SLC26A11: variants seen among roughly 807,000 people sequenced by gnomAD.
SLC26A11 encodes solute carrier family 26 member 11.
A neutral mutation model predicts 62.2 loss-of-function variants in SLC26A11; 58 were observed. That is an observed-to-expected ratio of 0.93 (90% confidence interval 0.76 to 1.16). SLC26A11 has a LOEUF of 1.16. Ranked by LOEUF, SLC26A11 falls within the 50% of genes most tolerant of loss-of-function variation. The pLI is 0.00. For synonymous variants in SLC26A11, 411 were observed against 368.9 expected, an observed-to-expected ratio of 1.11 and a Z score of -1.31; for missense variants, 790 against 794.3, an observed-to-expected ratio of 0.99 and a Z score of 0.06.
intron 9 of SLC26A11, among the ~76,000 whole-genome samples, chr17:80,238,466 C>T (rs546870130): frequency 7.2e-5 from 11 of 152,306 alleles, no homozygotes; most frequent in East Asian, 5.8e-4. Flanking sequence ...CTCAGCCCAT[C>T]GGCCAGCCCC....
rs57963913 is a variant in SLC26A11 at position 80,248,423 on chromosome 17, CTGTG to C, written c.1423-149_1423-146del. 3,914 of 1,257,856 alleles carry C rather than the reference CTGTG, an allele frequency of 3.1e-3. 46 individuals are homozygous for C. Among genetic ancestry groups the C allele is most frequent in the East Asian group, 0.026 (1,015 of 39,196 alleles). 77.9% of individuals were successfully genotyped at this position (1,257,856 alleles called of 1,614,324 possible). A position where few individuals can be genotyped will look rare whatever the true frequency, so the allele number is the denominator to read the frequency against. On this transcript the variant is annotated intron_variant, in intron 14 of 17. Transcript: ENST00000361193. ...TGCTATAAACCATGGTGTTCTCCCA[CTGTG>C]TGGGGGCCATGGGGGTCTCCCCTTA... is the stretch of plus-strand genomic sequence containing the variant.
rs924430085 is a variant in SLC26A11 at position 80,228,840 on chromosome 17, G to C, written c.736+880G>C. On this transcript the variant is annotated intron_variant, in intron 7 of 17. Transcript: ENST00000361193. This position sits in a 1 kb window ranked among gnomAD's most constrained non-coding sequence, Gnocchi z 4.1. ...TTCAGCTTCAGGCGCGGAGGCTGCA[G>C]GCTGAGCCACAACCAACCAGGGGTC... is the stretch of plus-strand genomic sequence containing the variant. Among the ~76,000 whole-genome samples, 1 of 152,228 alleles carries C rather than the reference G, an allele frequency of 6.6e-6. No individual in the cohort carries two copies. The highest frequency in any genetic ancestry group is 6.5e-5 in the Admixed American group (1 of 15,284).
chr17:80,234,205 A>G (rs6565658), intron 7 of SLC26A11, among the ~76,000 whole-genome samples: 41,592 of 151,904 alleles, frequency 0.27, 6,171 homozygotes, highest in South Asian at 0.39. Context: ...GGGTTTTGCC[A>G]TGTTGGCCAG....
chr17:80,235,091 T>C (rs904558677), intron 7 of SLC26A11, among the ~76,000 whole-genome samples: 1 of 152,100 alleles, frequency 6.6e-6, no homozygotes, highest in Non-Finnish European at 1.5e-5. Flanking sequence ...TTCAGGTGAT[T>C]CAGCTGCCTC....
intron 7 of SLC26A11, among the ~76,000 whole-genome samples, chr17:80,234,162 G>A (rs544168647): frequency 2.1e-4 from 32 of 152,124 alleles, no homozygotes; most frequent in Non-Finnish European, 3.5e-4. Flanking sequence ...ATGCTACCAC[G>A]CCCGGCTAAT....
Position 80,246,676 on chromosome 17 carries a change from C to T in SLC26A11, c.1294+27C>T, listed in dbSNP as rs574180622. 19 of 1,608,274 alleles carry T rather than the reference C, an allele frequency of 1.2e-5. No individual in the cohort carries two copies. Among genetic ancestry groups the T allele is most frequent in the South Asian group, 2.2e-5 (2 of 90,326 alleles). Reference sequence around the variant, plus strand: ...TACGTCCTTGTCCTACAGGGGAGAGCGCTGTGATGCGGTGTCTGAACGCGG... The same window carrying T: ...TACGTCCTTGTCCTACAGGGGAGAGTGCTGTGATGCGGTGTCTGAACGCGG... On this transcript the variant is annotated intron_variant, in intron 13 of 17. Transcript: ENST00000361193. This position sits in a 1 kb window ranked among gnomAD's most constrained non-coding sequence, Gnocchi z 4.4.
chr17:80,235,776 T>C (rs570298939), intron 7 of SLC26A11, among the ~76,000 whole-genome samples: 1 of 152,382 alleles, frequency 6.6e-6, no homozygotes. Flanking sequence ...TGAGCTTTGT[T>C]CTGGGATACA....
rs1372142677 is a variant in SLC26A11, at chr17:80,253,217, T to C, written c.*501T>C. On this transcript the variant is annotated 3_prime_UTR_variant, in exon 18 of 18. Transcript: ENST00000361193. Reference sequence around the variant, plus strand: ...TCAAGTCTCTATTTAAAAATAATTTTGTGTTTTCTAAATGGAAAAAGTGAT... The same window carrying C: ...TCAAGTCTCTATTTAAAAATAATTTCGTGTTTTCTAAATGGAAAAAGTGAT... 6.6e-6 allele frequency: 1 copy of C among 152,642 alleles called. No homozygotes were observed. Among genetic ancestry groups the C allele is most frequent in the Non-Finnish European group, 1.5e-5 (1 of 68,334 alleles). 9.5% of individuals were successfully genotyped at this position (152,642 alleles called of 1,614,324 possible). A position where few individuals can be genotyped will look rare whatever the true frequency, so the allele number is the denominator to read the frequency against.
chr17:80,223,297 C>A lies in SLC26A11; in HGVS notation c.473C>A (p.Thr158Asn). ...TCCTACCCCGTCATTAAAGGCTTCA[C>A]CTCTGCTGCTGCCGTCACCATCGGC... ...FISYPVIKGF[T>N]SAAAVTIGFG... The change falls in exon 5 of 18, where the codon ACC (threonine) becomes AAC (asparagine). Residue 158 changes from threonine (T) to asparagine (N), a missense_variant. Transcript: ENST00000361193. The surrounding 1 kb of genome is among the most constrained non-coding windows in gnomAD (Gnocchi z 4.6). 1 of 1,614,194 alleles carries A rather than the reference C, an allele frequency of 6.2e-7. No individual in the cohort carries two copies. The highest frequency in any genetic ancestry group is 8.5e-7 in the Non-Finnish European group (1 of 1,180,046).
At chr17:80,237,642 G>T in intron 9 of SLC26A11, 48 bp downstream of exon 9, 1 of 1,569,250 alleles carries the variant, frequency 6.4e-7, no homozygotes, top group Non-Finnish European at 8.7e-7. Flanking sequence ...GCGCCGGCTG[G>T]GCTAGGCCTG....
At chr17:80,224,551 TCAA>T (rs1280889210) in intron 5 of SLC26A11, among the ~76,000 whole-genome samples, 1 of 152,122 alleles carries the variant, frequency 6.6e-6, no homozygotes, top group Non-Finnish European at 1.5e-5. Context: ...TGTGTAATTC[TCAA>T]CACACCCCGG....
chr17:80,246,617 C>G lies in SLC26A11; in HGVS notation c.1262C>G (p.Thr421Ser). The G allele has an allele frequency of 6.2e-7, 1 of 1,613,988 alleles. No individual in the cohort carries two copies. Among genetic ancestry groups the G allele is most frequent in the Non-Finnish European group, 8.5e-7 (1 of 1,179,998 alleles). ...ATGGCCGTGGCCCCGCTGTTCGACA[C>G]CAAGATCTTCAGGACGCTCTGGCGT... ...IIMAVAPLFDTKIFRTLWRVK... is the reference protein window; with the variant it reads ...IIMAVAPLFDSKIFRTLWRVK... The change falls in exon 13 of 18, where the codon ACC becomes AGC. Residue 421 changes from threonine to serine, a missense_variant. By Grantham distance (58) the Thr-to-Ser change is moderately conservative (BLOSUM62 1). Transcript: ENST00000361193. This position sits in a 1 kb window ranked among gnomAD's most constrained non-coding sequence, Gnocchi z 4.4.
At position 80,243,099 on chromosome 17, in the gene SLC26A11, A is replaced by G. The variant is rs534906935; in HGVS notation, c.1036+1278A>G. Among the ~76,000 whole-genome samples the G allele has an allele frequency of 3.3e-5, 5 of 152,304 alleles. No homozygotes were observed. In the South Asian group the frequency reaches 1.0e-3, roughly 32 times the overall value. The stretch of plus-strand genomic sequence containing the variant: ...TCGCCCCTCATGAGACTGGTGCAGG[A>G]TAACCCAGGAAGCACCATGGGCTTC... On this transcript the variant is annotated intron_variant, in intron 10 of 17. Coordinates refer to ENST00000361193, the MANE Select transcript of SLC26A11 (RefSeq NM_001166347.2).
chr17:80,241,165 T>C (rs2042849310), intron 9 of SLC26A11, among the ~76,000 whole-genome samples: 1 of 152,232 alleles, frequency 6.6e-6, no homozygotes, highest in Admixed American at 6.5e-5. Context: ...TTAATATACA[T>C]TCATTGTAGA....
At chr17:80,238,250 G>C (rs1272541043) in intron 9 of SLC26A11, among the ~76,000 whole-genome samples, 2 of 152,198 alleles carry the variant, frequency 1.3e-5, no homozygotes, top group Non-Finnish European at 2.9e-5. Context: ...CTTCTCAGAA[G>C]GCTGAGGCAG....
Position 80,246,567 on chromosome 17 carries a change from G to T in SLC26A11, c.1212G>T (p.Lys404Asn). 1 of 1,613,852 alleles carries T rather than the reference G, an allele frequency of 6.2e-7. No homozygotes were observed. The highest frequency in any genetic ancestry group is 8.5e-7 in the Non-Finnish European group (1 of 1,180,026). Residue 404 changes from lysine (K) to asparagine (N), a missense_variant, in exon 13 of 18, where the codon AAG (lysine) becomes AAT (asparagine). Transcript: ENST00000361193. This position sits in a 1 kb window ranked among gnomAD's most constrained non-coding sequence, Gnocchi z 4.4. ...CCTCACTGTTCTACTACATCCCCAAGTCTGCCCTGGCTGCCGTCATCATCA... is the reference window on the plus strand; with the variant it reads ...CCTCACTGTTCTACTACATCCCCAATTCTGCCCTGGCTGCCGTCATCATCA... ...YLTSLFYYIP[K>N]SALAAVIIMA...
chr17:80,250,860 G>T (rs565701542), intron 16 of SLC26A11, among the ~76,000 whole-genome samples: 2 of 146,796 alleles, frequency 1.4e-5, no homozygotes, highest in Non-Finnish European at 3.0e-5. Flanking sequence ...AGTCCTCTGG[G>T]CCAGGCGCTG....
In SLC26A11 at chr17:80,221,737, C is replaced by T. The variant is rs1299002496; in HGVS notation, c.177C>T (p.Gly59=). Residue 59 remains glycine (G), a synonymous_variant, in exon 3 of 18, where the codon GGC becomes GGT. Coordinates refer to ENST00000361193, the MANE Select transcript of SLC26A11 (RefSeq NM_001166347.2). ...KMDFVAGLSV[G]LTAIPQALAY... ...ATTTCGTCGCCGGCCTCTCAGTTGG[C>T]CTCACTGCCATTCCCCAGGCGCTGG... 3.1e-6 allele frequency: 5 copies of T among 1,613,624 alleles called. No homozygotes were observed. In the South Asian group the frequency reaches 3.3e-5, roughly 11 times the overall value.
At chr17:80,237,658 T>A (rs1035549622) in intron 9 of SLC26A11, 64 bp downstream of exon 9, 1 of 1,504,246 alleles carries the variant, frequency 6.6e-7, no homozygotes, top group Non-Finnish European at 9.1e-7. Flanking sequence ...GCCTGCCTGC[T>A]TTCTAGCTTG....
Sources: allele counts gnomAD v4.1 joint callset (sites outside exome capture counted in the v4.1 genomes callset), GRCh38; gene constraint gnomAD v4.1.1; non-coding constraint Gnocchi (gnomAD v3.1); transcripts MANE v1.5; gene names NCBI Gene and HGNC (gene_info 2026-07-23, HGNC 2026-07-21).